The following ATP13A1 variants were observed in gnomAD, a reference collection of about 807,000 sequenced individuals.
ATP13A1 encodes the protein endoplasmic reticulum transmembrane helix translocase.
ATP13A1 carries 55 observed loss-of-function variants against 134.8 expected under a neutral mutation model. That is an observed-to-expected ratio of 0.41 (90% CI 0.33 to 0.51). The LOEUF is 0.51. Among genes scored for constraint, ATP13A1 ranks in the 20% least tolerant of loss-of-function variants. The pLI is 0.29. For synonymous variants in ATP13A1, 775 were observed against 725.1 expected, an observed-to-expected ratio of 1.07 and a Z score of -1.10; for missense variants, 1,389 against 1,652.8, an observed-to-expected ratio of 0.84 and a Z score of 2.77.
intron 3 of ATP13A1, among the ~76,000 whole-genome samples, chr19:19,657,955 C>G (rs1013892711): frequency 6.6e-6 from 1 of 151,578 alleles, no homozygotes. Context: ...CAGAGACTAG[C>G]CTGGGCAACA....
chr19:19,662,201 C>T (rs1007409359), intron 1 of ATP13A1: 6 of 1,539,622 alleles, frequency 3.9e-6, no homozygotes, highest in East Asian at 4.9e-5. Context: ...GTCCCCTTAA[C>T]CCCTCCTTTA....
At chr19:19,654,748 G>A (rs747737498) in intron 12 of ATP13A1, 48 bp from the exon 13 acceptor site, 23 of 1,563,226 alleles carry the variant, frequency 1.5e-5, no homozygotes, top group South Asian at 1.2e-4. Context: ...CGGGTAGGGC[G>A]AAGCTGCATC....
rs200967857 is a variant in ATP13A1 at position 19,659,869 on chromosome 19, C to T, written c.486+29G>A. On this transcript the variant is annotated intron_variant, in intron 2 of 25. Transcript: ENST00000357324. The stretch of plus-strand genomic sequence containing the variant: ...GCCTGGGAATCCTACTCAAGCCCCT[C>T]CTCCAGGAGCCCAGCAGGCAGTCCC... The T allele has an allele frequency of 5.2e-5, 83 of 1,588,434 alleles. No individual in the cohort carries two copies. The Admixed American group carries it at 1.5e-3, about 29-fold the overall frequency.
rs747244530 is a variant in ATP13A1 at position 19,656,948 on chromosome 19, C to A, written c.907-32G>T. The A allele has an allele frequency of 1.9e-6, 3 of 1,604,790 alleles. No homozygotes were observed. Among genetic ancestry groups the A allele is most frequent in the African/African-American group, 1.3e-5 (1 of 74,822 alleles). Reference sequence around the variant, plus strand: ...GGGGCATGGGTGTCAGCACAGAAGCCGCACCTGTGCTGCACCCCCAACCTG... The same window carrying A: ...GGGGCATGGGTGTCAGCACAGAAGCAGCACCTGTGCTGCACCCCCAACCTG... On this transcript the variant is annotated intron_variant, in intron 5 of 25. Coordinates refer to ENST00000357324, the MANE Select transcript of ATP13A1 (RefSeq NM_020410.3). The surrounding 1 kb of genome is among the most constrained non-coding windows in gnomAD (Gnocchi z 4.6).
chr19:19,657,590 C>T (rs1455506197), intron 3 of ATP13A1, among the ~76,000 whole-genome samples, 182 bp from the exon 4 acceptor site: 1 of 152,232 alleles, frequency 6.6e-6, no homozygotes, highest in African/African-American at 2.4e-5. Context: ...GGCTCTCCCT[C>T]ATCCTGGCTG....
At chr19:19,646,057 C>A in intron 23 of ATP13A1, 72 bp from the exon 24 acceptor site, 2 of 1,597,920 alleles carry the variant, frequency 1.3e-6, no homozygotes, top group Admixed American at 3.4e-5. Context: ...CTTCCTGCTG[C>A]CCTGGCACAG....
intron 17 of ATP13A1, chr19:19,650,189 C>T (rs2144996597): frequency 1.7e-6 from 1 of 578,750 alleles, no homozygotes; most frequent in East Asian, 2.9e-5. Context: ...CAGATTAGAA[C>T]CTGGGCAGTC....
At chr19:19,648,170 T>C (rs901372102) in intron 19 of ATP13A1, among the ~76,000 whole-genome samples, 2 of 151,812 alleles carry the variant, frequency 1.3e-5, no homozygotes, top group Admixed American at 6.6e-5. Context: ...AATACAAAAA[T>C]TAGCCAGGGG....
chr19:19,652,622 G>A lies in ATP13A1; in HGVS notation c.2199C>T (p.Ile733=). Residue 733 remains isoleucine (I), a synonymous_variant, in exon 16 of 26, where the codon ATC becomes ATT. Transcript: ENST00000357324. ...CPLKADSKAV[I]REIQNASHRV... ...GGTGGGACGCATTCTGGATCTCCCG[G>A]ATCACGGCCTTGGAGTCAGCCTTGA... 1 of 1,608,704 alleles carries A rather than the reference G, an allele frequency of 6.2e-7. No homozygotes were observed. Among genetic ancestry groups the A allele is most frequent in the Non-Finnish European group, 8.5e-7 (1 of 1,177,920 alleles).
chr19:19,655,841 G>A lies in ATP13A1; in HGVS notation c.1269+37C>T. The stretch of plus-strand genomic sequence containing the variant: ...GGGCTGATACCTTGGCTGTCCAACT[G>A]CCCTGGGGCCCGCCCTCCCCAGACC... On this transcript the variant is annotated intron_variant, in intron 9 of 25. Coordinates refer to ENST00000357324, the MANE Select transcript of ATP13A1 (RefSeq NM_020410.3). This position sits in a 1 kb window ranked among gnomAD's most constrained non-coding sequence, Gnocchi z 5.7. 6 of 1,555,944 alleles carry A rather than the reference G, an allele frequency of 3.9e-6. No homozygotes were observed. Among genetic ancestry groups the A allele is most frequent in the Non-Finnish European group, 5.2e-6 (6 of 1,156,148 alleles).
At chr19:19,650,223 C>A (rs541679288) in intron 17 of ATP13A1, 3 of 539,290 alleles carry the variant, frequency 5.6e-6, no homozygotes, top group South Asian at 2.3e-5. Flanking sequence ...GCCATGCCCC[C>A]ACCTCATGCA....
Position 19,648,148 on chromosome 19 carries a change from G to A in ATP13A1, c.2633-389C>T, listed in dbSNP as rs560780635. On this transcript the variant is annotated intron_variant, in intron 19 of 25. Coordinates refer to ENST00000357324, the MANE Select transcript of ATP13A1 (RefSeq NM_020410.3). Reference sequence around the variant, plus strand: ...AGCCTGGCTGATACGGCGAAACCCCGTCTCTACTAAAAATACAAAAATTAG... The same window carrying A: ...AGCCTGGCTGATACGGCGAAACCCCATCTCTACTAAAAATACAAAAATTAG... 3.0e-3 allele frequency among the ~76,000 whole-genome samples: 450 copies of A among 151,500 alleles called. 3 individuals carry two copies. The highest frequency in any genetic ancestry group is 0.01 in the African/African-American group (423 of 41,264).
intron 1 of ATP13A1, 48 bp downstream of exon 1, chr19:19,663,223 G>A: frequency 1.3e-6 from 2 of 1,554,562 alleles, no homozygotes; most frequent in East Asian, 2.4e-5. Context: ...TGGGACCCAC[G>A]GCGAGGCTCG....
chr19:19,660,968 A>G (rs1488483303), intron 1 of ATP13A1, among the ~76,000 whole-genome samples: 1 of 151,390 alleles, frequency 6.6e-6, no homozygotes, highest in African/African-American at 2.4e-5. Context: ...AGTCTCAGCT[A>G]CTCGGGAGGC....
Position 19,663,675 on chromosome 19 carries a change from G to C in ATP13A1, c.-9C>G, listed in dbSNP as rs1376957116. ...GCCGCCGCTGCCGCCATCTTTCCTA[G>C]CGCCGCGCTCACTTCCGGGCAGAGG... is the stretch of plus-strand genomic sequence containing the variant. On this transcript the variant is annotated 5_prime_UTR_variant, in exon 1 of 26. Transcript: ENST00000357324. 3.9e-6 allele frequency: 5 copies of C among 1,278,738 alleles called. No homozygotes were observed. The highest frequency in any genetic ancestry group is 4.9e-6 in the Non-Finnish European group (5 of 1,016,276). 79.2% of individuals were successfully genotyped at this position (1,278,738 alleles called of 1,614,324 possible). A position where few individuals can be genotyped will look rare whatever the true frequency, so the allele number is the denominator to read the frequency against.
chr19:19,652,309 C>T (rs571395348), intron 16 of ATP13A1, among the ~76,000 whole-genome samples: 1 of 152,312 alleles, frequency 6.6e-6, no homozygotes, highest in African/African-American at 2.4e-5. Context: ...CCTCAGCTTC[C>T]TTCTCTCCAG....
At position 19,656,163 on chromosome 19, in the gene ATP13A1, G is replaced by A. The variant is rs150620530; in HGVS notation, c.1104C>T (p.Ser368=). Residue 368 remains serine, a synonymous_variant, in exon 8 of 26, where the codon AGC becomes AGT. Coordinates refer to ENST00000357324, the MANE Select transcript of ATP13A1 (RefSeq NM_020410.3). The surrounding 1 kb of genome is among the most constrained non-coding windows in gnomAD (Gnocchi z 4.6). ...PQMKEPIEDL[S]PDRVLDLQAD... is the part of the protein sequence containing the mutation. ...CCTGGAGGTCCAGCACCCGGTCTGG[G>A]CTGAGGTCTTCGATGGGCTCCTGGG... 775 of 1,611,682 alleles carry A rather than the reference G, an allele frequency of 4.8e-4. No homozygotes were observed. Among genetic ancestry groups the A allele is most frequent in the Non-Finnish European group, 6.3e-4 (743 of 1,178,486 alleles).
intron 16 of ATP13A1, 63 bp downstream of exon 16, chr19:19,652,532 G>C: frequency 1.3e-6 from 2 of 1,549,072 alleles, no homozygotes; most frequent in South Asian, 2.4e-5. Flanking sequence ...CCACGAAGCT[G>C]TAATTGTCAT....
rs1362664428 is a variant in ATP13A1, at chr19:19,654,848, C to T, written c.1656-148G>A. 8 of 1,027,110 alleles carry T rather than the reference C, an allele frequency of 7.8e-6. No individual in the cohort carries two copies. The Admixed American group carries it at 1.1e-4, about 14-fold the overall frequency. The allele number at this position is 1,027,110 out of a possible 1,614,324, so 63.6% of individuals were successfully genotyped here. A position where few individuals can be genotyped will look rare whatever the true frequency, so the allele number is the denominator to read the frequency against. ...CAACTGGGTCTTTATGAGACCTGCA[C>T]CTGCTTCACAGATGCCCCCAGAAGC... On this transcript the variant is annotated intron_variant, in intron 12 of 25. Transcript: ENST00000357324.
Sources: allele counts gnomAD v4.1 joint callset (sites outside exome capture counted in the v4.1 genomes callset), GRCh38; gene constraint gnomAD v4.1.1; non-coding constraint Gnocchi (gnomAD v3.1); transcripts MANE v1.5; gene names NCBI Gene and HGNC (gene_info 2026-07-23, HGNC 2026-07-21).